MYO1F: variants seen among roughly 807,000 people sequenced by gnomAD.
MYO1F encodes the protein unconventional myosin-If.
A neutral mutation model predicts 146.6 loss-of-function variants in MYO1F; 60 were observed. That is an observed-to-expected ratio of 0.41 (90% CI 0.33 to 0.51). The LOEUF is 0.51. MYO1F is among the 20% of genes least tolerant of loss of function. The probability of loss-of-function intolerance (pLI) is 0.25; values close to 1 mark genes in which losing one functional copy is unlikely to be tolerated. For missense variants in MYO1F, 1,274 were observed against 1,534.3 expected (o/e 0.83, Z 2.83); for synonymous variants, 602 against 602.1 (o/e 1.00, Z 0.00).
At chr19:8,568,362 G>A (rs1183032511) in intron 1 of MYO1F, among the ~76,000 whole-genome samples, 1 of 144,074 alleles carries the variant, frequency 6.9e-6, no homozygotes, top group Non-Finnish European at 1.5e-5. Context: ...GGCGGAGCTT[G>A]CAGTGAGCTG....
intron 1 of MYO1F, among the ~76,000 whole-genome samples, chr19:8,570,137 A>G (rs2042081804): frequency 6.6e-6 from 1 of 150,954 alleles, no homozygotes; most frequent in South Asian, 2.1e-4. Flanking sequence ...CAGCGGCATG[A>G]TCTAGGCTTA....
chr19:8,559,578 C>G (rs371296455), intron 1 of MYO1F, among the ~76,000 whole-genome samples: 1 of 152,010 alleles, frequency 6.6e-6, no homozygotes, highest in African/African-American at 2.4e-5. Flanking sequence ...TCTGGGGGAA[C>G]AAGGTGGGAT....
At chr19:8,550,126 A>G (rs776818989) in intron 10 of MYO1F, 34 bp downstream of exon 10, 2 of 1,609,072 alleles carry the variant, frequency 1.2e-6, no homozygotes, top group Admixed American at 3.3e-5. Flanking sequence ...ACCCCAGAGC[A>G]TCCACTCTGC....
At chr19:8,545,621 G>A (rs575808820) in intron 13 of MYO1F, 29 bp downstream of exon 13, 23 of 1,584,530 alleles carry the variant, frequency 1.5e-5, no homozygotes, top group African/African-American at 6.7e-5. Flanking sequence ...CCAGTGAGAC[G>A]CCCCCGCCAA....
At position 8,541,894 on chromosome 19, in the gene MYO1F, G is replaced by A; in HGVS notation, c.1610+12C>T. 1.2e-6 allele frequency: 2 copies of A among 1,611,288 alleles called. No individual in the cohort carries two copies. The highest frequency in any genetic ancestry group is 2.2e-5 in the East Asian group (1 of 44,856). On this transcript the variant is annotated intron_variant, in intron 15 of 27. Coordinates refer to ENST00000644032, the MANE Select transcript of MYO1F (RefSeq NM_012335.4). ...GTTGTAGCCGGAGGTCCCCATGCCT[G>A]GGACCACTCACTGCTCACTGGTCTG...
intron 1 of MYO1F, among the ~76,000 whole-genome samples, chr19:8,564,759 CGT>C (rs2041971006): frequency 6.6e-6 from 1 of 150,508 alleles, no homozygotes; most frequent in South Asian, 2.1e-4. Flanking sequence ...CAGGGGAGCC[CGT>C]GTTTCCTGTT....
chr19:8,544,595 G>C (rs557332355), intron 13 of MYO1F, 131 bp from the exon 14 acceptor site: 1 of 892,448 alleles, frequency 1.1e-6, no homozygotes, highest in East Asian at 2.7e-5. Flanking sequence ...GGGTGGGGAG[G>C]GCACCAGGGG....
rs374244925 is a variant in MYO1F at position 8,564,359 on chromosome 19, C to T, written c.4-8563G>A. On this transcript the variant is annotated intron_variant, in intron 1 of 27. Transcript: ENST00000644032. Reference sequence around the variant, plus strand: ...TCATGCCATTGCACTTCAGCCTGGGCGACAGGAGTGAAACCCTGTCTTGAA... The same window carrying T: ...TCATGCCATTGCACTTCAGCCTGGGTGACAGGAGTGAAACCCTGTCTTGAA... Among the ~76,000 whole-genome samples the T allele has an allele frequency of 8.5e-5, 13 of 152,086 alleles. No individual in the cohort carries two copies. The East Asian group carries it at 2.1e-3, about 25-fold the overall frequency.
intron 15 of MYO1F, among the ~76,000 whole-genome samples, chr19:8,540,920 TCAGATTCTGATAGTTCAGAATCAGATG>T (rs1972936357): frequency 6.6e-6 from 1 of 152,070 alleles, no homozygotes; most frequent in South Asian, 2.1e-4. Context: ...ACCTGATTGT[TCAGATTCTGATAGTTCAGAATCAGATG>T]CAGATTCTGA....
intron 16 of MYO1F, 22 bp from the exon 17 acceptor site, chr19:8,537,077 G>A: frequency 6.5e-7 from 1 of 1,536,594 alleles, no homozygotes; most frequent in Non-Finnish European, 9.0e-7. Context: ...GTGAAGACGG[G>A]TGGGTGGGGG....
intron 15 of MYO1F, 83 bp downstream of exon 15, chr19:8,541,823 G>C: frequency 7.9e-7 from 1 of 1,267,738 alleles, no homozygotes; most frequent in Non-Finnish European, 1.1e-6. Context: ...TGGCAGTTCT[G>C]GGTAAGATGG....
chr19:8,564,503 C>T (rs1375319664), intron 1 of MYO1F, among the ~76,000 whole-genome samples: 1 of 152,060 alleles, frequency 6.6e-6, no homozygotes, highest in Non-Finnish European at 1.5e-5. Context: ...ACACCCACCA[C>T]AGACTGGCTG....
At position 8,577,247 on chromosome 19, in the gene MYO1F, C is replaced by G. The variant is rs1167188505; in HGVS notation, c.3+60G>C. On this transcript the variant is annotated intron_variant, in intron 1 of 27. Coordinates refer to ENST00000644032, the MANE Select transcript of MYO1F (RefSeq NM_012335.4). This position sits in a 1 kb window ranked among gnomAD's most constrained non-coding sequence, Gnocchi z 4.3. The stretch of plus-strand genomic sequence containing the variant: ...TTTCTGATGGTCATTTTTAGGACAC[C>G]TCCACCTGGCTGGTGTCCCTCCTCT... The G allele has an allele frequency of 6.2e-7, 1 of 1,600,738 alleles. No homozygotes were observed.
At chr19:8,573,263 A>T (rs1319888970) in intron 1 of MYO1F, among the ~76,000 whole-genome samples, 2 of 152,040 alleles carry the variant, frequency 1.3e-5, no homozygotes, top group Non-Finnish European at 2.9e-5. Flanking sequence ...GTGAGCCAAG[A>T]TCATGCCACT....
At chr19:8,525,656 CG>C in intron 24 of MYO1F, 94 bp from the exon 25 acceptor site, 2 of 1,069,162 alleles carry the variant, frequency 1.9e-6, no homozygotes, top group Non-Finnish European at 2.8e-6. Flanking sequence ...CGCCGCACCC[CG>C]CCCCCTCAGG....
chr19:8,551,971 C>T (rs757587528), intron 7 of MYO1F, 62 bp downstream of exon 7: 1 of 1,613,906 alleles, frequency 6.2e-7, no homozygotes, highest in Non-Finnish European at 8.5e-7. Flanking sequence ...TGTTTACCTT[C>T]CCATTGTCCA....
chr19:8,539,270 C>T (rs138125354), intron 16 of MYO1F, among the ~76,000 whole-genome samples: 2,583 of 151,980 alleles, frequency 0.017, 75 homozygotes, highest in African/African-American at 0.06. Flanking sequence ...CAAAATTAGC[C>T]GGGCATGGTG....
chr19:8,548,117 A>G lies in MYO1F; in HGVS notation c.1188T>C (p.Asn396=), dbSNP rs776464853. 21 of 1,613,502 alleles carry G rather than the reference A, an allele frequency of 1.3e-5. No homozygotes were observed. The highest frequency in any genetic ancestry group is 8.8e-5 in the South Asian group (8 of 91,062). Residue 396 remains asparagine (N), a synonymous_variant, in exon 12 of 28, where the codon AAT becomes AAC. Coordinates refer to ENST00000644032, the MANE Select transcript of MYO1F (RefSeq NM_012335.4). ...AGTTGATGCAAAACTGCTCGAAGCC[A>G]TTTTTCTGCAGAAGGAGGAAAAGGG... ...DIYGFEIFQK[N]GFEQFCINFV...
chr19:8,532,905 C>T (rs993812215), intron 19 of MYO1F, among the ~76,000 whole-genome samples: 1,142 of 27,418 alleles, frequency 0.042, 26 homozygotes, highest in African/African-American at 0.16. Context: ...AAAAAAAATA[C>T]ACACACACAC....
Sources: gnomAD v4.1 joint callset for allele counts (sites outside exome capture counted in the v4.1 genomes callset) on GRCh38, gnomAD v4.1.1 for gene constraint, Gnocchi (gnomAD v3.1) non-coding constraint, MANE v1.5 for transcripts, NCBI Gene and HGNC (gene_info 2026-07-23, HGNC 2026-07-21) for gene names.